The following SLC25A13 variants were observed in gnomAD, a reference collection of about 807,000 sequenced individuals.
SLC25A13 encodes the protein electrogenic aspartate/glutamate antiporter SLC25A13, mitochondrial.
A neutral mutation model predicts 85.5 loss-of-function variants in SLC25A13; 70 were observed. That is an observed-to-expected ratio of 0.82 (90% CI 0.68 to 1.00). The LOEUF (loss-of-function observed/expected upper bound fraction) is 1.00. SLC25A13 is among the 50% of genes least tolerant of loss of function. The probability of loss-of-function intolerance (pLI) is 0.00; values close to 1 mark genes in which losing one functional copy is unlikely to be tolerated. For synonymous variants in SLC25A13, 259 were observed against 288.7 expected (o/e 0.90, Z 1.04); for missense variants, 765 against 819.8 (o/e 0.93, Z 0.82).
chr7:96,189,752 AATGAGTGAAC>A, intron 7 of SLC25A13, 78 bp from the exon 8 acceptor site: 1 of 1,130,674 alleles, frequency 8.8e-7, no homozygotes, highest in African/African-American at 1.5e-5. Context: ...AAGGCACTGG[AATGAGTGAAC>A]ATCACAAAAC....
intron 13 of SLC25A13, among the ~76,000 whole-genome samples, chr7:96,161,228 T>C (rs906816874): frequency 1.3e-5 from 2 of 152,190 alleles, no homozygotes; most frequent in Admixed American, 6.5e-5. Context: ...ATAAAATAAA[T>C]AGGAGCCTTA....
At chr7:96,209,017 T>C (rs947670440) in intron 4 of SLC25A13, 40 bp from the exon 5 acceptor site, 5 of 1,605,318 alleles carry the variant, frequency 3.1e-6, no homozygotes, top group African/African-American at 1.3e-5. Flanking sequence ...ACAAAGTAAA[T>C]GAAGTTCTTT....
intron 11 of SLC25A13, 148 bp from the exon 12 acceptor site, chr7:96,171,672 G>C: frequency 1.4e-6 from 1 of 710,832 alleles, no homozygotes; most frequent in Admixed American, 2.2e-5. Flanking sequence ...TATTTGAAAT[G>C]GAATGTTTAA....
At chr7:96,243,628 T>C (rs1797074775) in intron 3 of SLC25A13, among the ~76,000 whole-genome samples, 1 of 152,088 alleles carries the variant, frequency 6.6e-6, no homozygotes, top group Non-Finnish European at 1.5e-5. Flanking sequence ...GGTTGGGAGA[T>C]AAGGCTACTT....
Position 96,315,947 on chromosome 7 carries a change from G to C in SLC25A13, c.15+5995C>G, listed in dbSNP as rs76275240. Among the ~76,000 whole-genome samples the C allele has an allele frequency of 9.2e-3, 1,383 of 151,002 alleles. 21 individuals carry two copies. Among genetic ancestry groups the C allele is most frequent in the African/African-American group, 0.032 (1,331 of 41,100 alleles). Reference sequence around the variant, plus strand: ...GCCTGGGCGACATAGCAAGACCCCCGTCTCTACAAAAAAAAAAAAAATTTT... The same window carrying C: ...GCCTGGGCGACATAGCAAGACCCCCCTCTCTACAAAAAAAAAAAAAATTTT... On this transcript the variant is annotated intron_variant, in intron 1 of 17. Transcript: ENST00000265631.
At chr7:96,270,555 CAA>C (rs1247575334) in intron 3 of SLC25A13, among the ~76,000 whole-genome samples, 38 of 122,136 alleles carry the variant, frequency 3.1e-4, no homozygotes, top group Admixed American at 5.1e-4. Flanking sequence ...ACTCCATCTC[CAA>C]AAAAAAAAAA....
chr7:96,307,515 A>C (rs998645875), intron 1 of SLC25A13, among the ~76,000 whole-genome samples: 5 of 151,732 alleles, frequency 3.3e-5, no homozygotes, highest in Non-Finnish European at 7.4e-5. Context: ...TAATCGCGCC[A>C]CTGCACGCCA....
At chr7:96,151,377 C>T (rs188254121) in intron 13 of SLC25A13, among the ~76,000 whole-genome samples, 14 of 152,176 alleles carry the variant, frequency 9.2e-5, no homozygotes, top group Non-Finnish European at 1.5e-4. Flanking sequence ...GCAGGTGGAT[C>T]ACCTGAGGTC....
At chr7:96,196,329 T>C (rs1367371917) in intron 5 of SLC25A13, among the ~76,000 whole-genome samples, 3 of 152,206 alleles carry the variant, frequency 2.0e-5, no homozygotes, top group East Asian at 3.8e-4. Flanking sequence ...TGTTCAGCGA[T>C]TTACCATTTT....
intron 14 of SLC25A13, among the ~76,000 whole-genome samples, chr7:96,134,065 G>A (rs1324754110): frequency 1.3e-5 from 2 of 149,968 alleles, no homozygotes; most frequent in Admixed American, 6.6e-5. Flanking sequence ...TGTTGCCCAG[G>A]TTGCCCAGGC....
intron 3 of SLC25A13, among the ~76,000 whole-genome samples, chr7:96,257,016 A>G (rs1464535519): frequency 6.6e-6 from 1 of 152,220 alleles, no homozygotes; most frequent in Non-Finnish European, 1.5e-5. Context: ...TTTGAAACAA[A>G]TGAGAACAAA....
intron 1 of SLC25A13, among the ~76,000 whole-genome samples, chr7:96,314,648 A>G (rs1004281093): frequency 6.6e-6 from 1 of 152,156 alleles, no homozygotes; most frequent in South Asian, 2.1e-4. Context: ...CAGGAATGCC[A>G]TAATAGATAA....
intron 10 of SLC25A13, 149 bp downstream of exon 10, chr7:96,184,778 A>T: frequency 1.4e-6 from 1 of 738,772 alleles, no homozygotes; most frequent in Non-Finnish European, 2.3e-6. Flanking sequence ...AGTTCCCTTT[A>T]CTCTTGCCCT....
At chr7:96,269,920 A>G (rs1798170925) in intron 3 of SLC25A13, among the ~76,000 whole-genome samples, 1 of 152,196 alleles carries the variant, frequency 6.6e-6, no homozygotes, top group Non-Finnish European at 1.5e-5. Flanking sequence ...AAACTCATAG[A>G]AACAGAGAGC....
intron 4 of SLC25A13, among the ~76,000 whole-genome samples, chr7:96,217,919 AC>A (rs1584469775): frequency 1.3e-5 from 2 of 151,284 alleles, no homozygotes; most frequent in African/African-American, 2.4e-5. Flanking sequence ...AAAACAAAAA[AC>A]ACCTAGAACT....
chr7:96,205,656 T>G (rs1482407444), intron 5 of SLC25A13, among the ~76,000 whole-genome samples: 1 of 152,166 alleles, frequency 6.6e-6, no homozygotes, highest in African/African-American at 2.4e-5. Context: ...CAAGTTTAGC[T>G]CAAATAATAT....
chr7:96,219,695 CACAGTTA>C (rs1796031469), intron 4 of SLC25A13: 1 of 534,582 alleles, frequency 1.9e-6, no homozygotes, highest in Non-Finnish European at 3.8e-6. Context: ...CCAGGGAGTC[CACAGTTA>C]ACCAACATTC....
intron 1 of SLC25A13, among the ~76,000 whole-genome samples, chr7:96,301,082 G>A (rs919247076): frequency 6.6e-6 from 1 of 152,180 alleles, no homozygotes; most frequent in African/African-American, 2.4e-5. Context: ...CCAATACCCA[G>A]GAAGTTCTAT....
Position 96,188,289 on chromosome 7 carries a change from G to A in SLC25A13, c.933+1005C>T, listed in dbSNP as rs111699598. Among the ~76,000 whole-genome samples, 474 of 152,298 alleles carry A rather than the reference G, an allele frequency of 3.1e-3. 1 individual carries two copies. The highest frequency in any genetic ancestry group is 0.011 in the African/African-American group (442 of 41,548). ...CAAGGCCAGCTGGTTTTCCAGAGGT[G>A]CTCGTTAGAATTTACTGAGCACACA... On this transcript the variant is annotated intron_variant, in intron 9 of 17. Transcript: ENST00000265631.
Sources: gnomAD v4.1 joint callset for allele counts (sites outside exome capture counted in the v4.1 genomes callset) on GRCh38, gnomAD v4.1.1 for gene constraint, MANE v1.5 for transcripts, NCBI Gene and HGNC (gene_info 2026-07-23, HGNC 2026-07-21) for gene names.